The following SMCHD1 variants were observed in gnomAD, a reference collection of about 807,000 sequenced individuals.
The protein encoded by SMCHD1 is structural maintenance of chromosomes flexible hinge domain containing 1, also known as structural maintenance of chromosomes flexible hinge domain-containing protein 1.
SMCHD1 carries 78 observed loss-of-function variants against 254.7 expected under a neutral mutation model. The ratio of observed to expected loss-of-function variants is 0.31; its 90% CI spans 0.26 to 0.37. The LOEUF is 0.37. Ranked by LOEUF, SMCHD1 falls within the 10% of genes least tolerant of loss-of-function variation. SMCHD1 has a pLI of 1.00. For missense variants in SMCHD1, 1,840 were observed against 2,408.1 expected (o/e 0.76, Z 4.94); for synonymous variants, 766 against 794.9 (o/e 0.96, Z 0.61).
chr18:2,689,101 A>G (rs2074114544), intron 7 of SMCHD1, among the ~76,000 whole-genome samples: 1 of 152,184 alleles, frequency 6.6e-6, no homozygotes, highest in African/African-American at 2.4e-5. Context: ...ACAAGTTTGC[A>G]TTGAAATTCT....
Position 2,743,811 on chromosome 18 carries a change from T to A in SMCHD1, c.3684T>A (p.Pro1228=), listed in dbSNP as rs2075397068. The part of the protein sequence containing the change: ...SVRGIKFIPG[P]PGNKDLCFTW... ...GAGGCATCAAATTTATTCCAGGTCC[T>A]CCTGGAAATAAGGATCTTTGTTTTA... The change falls in exon 29 of 48, where the codon CCT becomes CCA. Residue 1228 remains proline (P), a synonymous_variant. Transcript: ENST00000320876. 6.2e-7 allele frequency: 1 copy of A among 1,612,714 alleles called. No individual in the cohort carries two copies.
At chr18:2,677,523 A>G (rs2073780721) in intron 5 of SMCHD1, among the ~76,000 whole-genome samples, 1 of 152,250 alleles carries the variant, frequency 6.6e-6, no homozygotes, top group Non-Finnish European at 1.5e-5. Context: ...TTGTGCAACC[A>G]TCACCACTAA....
intron 1 of SMCHD1, among the ~76,000 whole-genome samples, chr18:2,663,614 C>T (rs2073355269): frequency 6.6e-6 from 1 of 152,108 alleles, no homozygotes; most frequent in Non-Finnish European, 1.5e-5. Context: ...TTTATTCTTT[C>T]CCCACCAATT....
chr18:2,705,833 C>A, intron 14 of SMCHD1, 26 bp downstream of exon 14: 1 of 1,342,008 alleles, frequency 7.5e-7, no homozygotes, highest in Non-Finnish European at 1.1e-6. Context: ...ATAAAACATA[C>A]TGAAAGTTTC....
Position 2,752,533 on chromosome 18 carries a change from G to C in SMCHD1, c.4327G>C (p.Asp1443His). The change falls in exon 34 of 48, where the codon GAT becomes CAT. Residue 1443 changes from aspartate (D) to histidine (H), a missense_variant. Asp to His is a moderately conservative substitution (Grantham distance 81). Around this residue, in one of 9 missense-constraint regions of SMCHD1, gnomAD observed 881 missense variants for 1,009.5 expected, o/e 0.87. Coordinates refer to ENST00000320876, the MANE Select transcript of SMCHD1 (RefSeq NM_015295.3). ...TAAAATAAAAGATAATGACAAAGAA[G>C]ATGGCTGCTTCTATTTCAGGTATTT... ...CNKIKDNDKE[D>H]GCFYFRDKVI... 1 of 1,587,548 alleles carries C rather than the reference G, an allele frequency of 6.3e-7. No homozygotes were observed.
intron 7 of SMCHD1, among the ~76,000 whole-genome samples, chr18:2,689,851 C>T (rs1411590482): frequency 1.4e-5 from 1 of 73,534 alleles, no homozygotes; most frequent in Non-Finnish European, 2.5e-5. Flanking sequence ...CTTGTCTCTA[C>T]TAAAAAAAAA....
intron 47 of SMCHD1, among the ~76,000 whole-genome samples, chr18:2,798,540 T>G (rs919290960): frequency 6.6e-6 from 1 of 152,258 alleles, no homozygotes; most frequent in Admixed American, 6.5e-5. Flanking sequence ...GTGTATGAAC[T>G]ATCTTCCAGG....
chr18:2,707,468 C>A, intron 15 of SMCHD1, 95 bp from the exon 16 acceptor site: 2 of 686,564 alleles, frequency 2.9e-6, no homozygotes, highest in Non-Finnish European at 2.4e-6. Flanking sequence ...AATATATCAG[C>A]AATAAATATT....
At chr18:2,795,810 T>C in intron 45 of SMCHD1, 139 bp from the exon 46 acceptor site, 1 of 580,218 alleles carries the variant, frequency 1.7e-6, no homozygotes, top group Non-Finnish European at 2.9e-6. Flanking sequence ...CATTTGTTTA[T>C]ATTGAATGTT....
intron 37 of SMCHD1, chr18:2,764,051 T>C (rs556478782): frequency 1.4e-5 from 4 of 284,548 alleles, no homozygotes; most frequent in African/African-American, 8.9e-5. Context: ...ACGTGATGTT[T>C]TATGTTTCAT....
At position 2,688,450 on chromosome 18, in the gene SMCHD1, T is replaced by C; in HGVS notation, c.695T>C (p.Ile232Thr). Reference sequence around the variant, plus strand: ...GTGCCACGCAGTTTAAATAGTGATATTTCCTATTTTGGTGTTGGGGGCAAG... The same window carrying C: ...GTGCCACGCAGTTTAAATAGTGATACTTCCTATTTTGGTGTTGGGGGCAAG... ...VPVPRSLNSD[I>T]SYFGVGGKQA... The change falls in exon 6 of 48, where the codon ATT becomes ACT. Residue 232 changes from isoleucine (I) to threonine (T), a missense_variant. Coordinates refer to ENST00000320876, the MANE Select transcript of SMCHD1 (RefSeq NM_015295.3). The C allele has an allele frequency of 6.2e-7, 1 of 1,613,926 alleles. No homozygotes were observed. Among genetic ancestry groups the C allele is most frequent in the East Asian group, 2.2e-5 (1 of 44,870 alleles).
Position 2,720,314 on chromosome 18 carries a change from CTT to C in SMCHD1, c.2458+1883_2458+1884del, listed in dbSNP as rs532977384. ...CTACCATTTTTAGTTTCTAAAATCT[CTT>C]TTAAAATAATCTTGTTAAACAATTC... On this transcript the variant is annotated intron_variant, in intron 19 of 47. Transcript: ENST00000320876. Among the ~76,000 whole-genome samples, 4 of 152,246 alleles carry C rather than the reference CTT, an allele frequency of 2.6e-5. No homozygotes were observed. The East Asian group carries it at 7.7e-4, about 29-fold the overall frequency.
intron 5 of SMCHD1, among the ~76,000 whole-genome samples, chr18:2,687,058 A>G (rs2074068006): frequency 6.6e-6 from 1 of 152,024 alleles, no homozygotes; most frequent in Non-Finnish European, 1.5e-5. Flanking sequence ...AGATTTCAGG[A>G]TTTAAAATAT....
rs2073819691 is a variant in SMCHD1 at position 2,678,313 on chromosome 18, T to TTA, written c.638+4169_638+4170insAT. Among the ~76,000 whole-genome samples, 4 of 151,102 alleles carry TTA rather than the reference T, an allele frequency of 2.6e-5. No individual in the cohort carries two copies. The South Asian group carries it at 8.4e-4, about 32-fold the overall frequency. ...TTTCTTTCTTTCTTCCTTTTTTTTT[T>TTA]TTTTGAGACAGAGTCTTTGCTTTGT... On this transcript the variant is annotated intron_variant, in intron 5 of 47. Transcript: ENST00000320876.
chr18:2,698,796 A>C (rs1568171582), intron 10 of SMCHD1, among the ~76,000 whole-genome samples: 1 of 152,182 alleles, frequency 6.6e-6, no homozygotes, highest in Non-Finnish European at 1.5e-5. Flanking sequence ...GAACTTGTAT[A>C]ATACAAAGTT....
At chr18:2,764,766 A>G (rs950919660) in intron 37 of SMCHD1, among the ~76,000 whole-genome samples, 1 of 152,202 alleles carries the variant, frequency 6.6e-6, no homozygotes, top group African/African-American at 2.4e-5. Flanking sequence ...ACCATTTTAT[A>G]TCAGGGATGT....
chr18:2,798,470 T>C (rs2076301090), intron 47 of SMCHD1, among the ~76,000 whole-genome samples: 1 of 152,230 alleles, frequency 6.6e-6, no homozygotes, highest in South Asian at 2.1e-4. Context: ...TCATCATTGC[T>C]GGTTGGTAGG....
At chr18:2,735,167 A>C (rs1176646553) in intron 25 of SMCHD1, among the ~76,000 whole-genome samples, 1 of 152,030 alleles carries the variant, frequency 6.6e-6, no homozygotes, top group Non-Finnish European at 1.5e-5. Flanking sequence ...GTGATTCACC[A>C]CATAAACAAA....
Position 2,732,507 on chromosome 18 carries a change from C to T in SMCHD1, c.3276+15C>T, listed in dbSNP as rs2075161853. 2.0e-6 allele frequency: 3 copies of T among 1,496,330 alleles called. No individual in the cohort carries two copies. The highest frequency in any genetic ancestry group is 2.8e-5 in the African/African-American group (2 of 72,162). The allele number at this position is 1,496,330 out of a possible 1,614,324, so 92.7% of individuals were successfully genotyped here. On this transcript the variant is annotated intron_variant, in intron 25 of 47. Coordinates refer to ENST00000320876, the MANE Select transcript of SMCHD1 (RefSeq NM_015295.3). ...AAAAAATTAAAGTAAGTATCTCTAA[C>T]AGATTGGTTATTTGTAAGAACTTTT... is the stretch of plus-strand genomic sequence containing the variant.
Sources: allele counts gnomAD v4.1 joint callset (sites outside exome capture counted in the v4.1 genomes callset), GRCh38; gene constraint gnomAD v4.1.1; regional missense constraint gnomAD v4.1.1; transcripts MANE v1.5; gene names NCBI Gene and HGNC (gene_info 2026-07-23, HGNC 2026-07-21).